SKAP1: variants seen among roughly 807,000 people sequenced by gnomAD.
SKAP1 encodes src kinase-associated phosphoprotein 1.
In SKAP1, 44 loss-of-function variants were observed where a neutral mutation model predicts 58.5. That is an observed-to-expected ratio of 0.75 (90% CI 0.59 to 0.97). The LOEUF is 0.97. SKAP1 is among the 50% of genes least tolerant of loss of function. The probability of loss-of-function intolerance (pLI) is 0.00; values close to 1 mark genes in which losing one functional copy is unlikely to be tolerated. For missense variants in SKAP1, 390 were observed against 435.2 expected, an observed-to-expected ratio of 0.90 and a Z score of 0.92; for synonymous variants, 127 against 149.7, an observed-to-expected ratio of 0.85 and a Z score of 1.11.
intron 4 of SKAP1, among the ~76,000 whole-genome samples, chr17:48,314,474 A>C (rs1433538470): frequency 6.6e-6 from 1 of 152,182 alleles, no homozygotes; most frequent in Non-Finnish European, 1.5e-5. Context: ...GCATTTTATT[A>C]TCAGCAATTA....
At chr17:48,369,500 A>AC (rs1269037800) in intron 2 of SKAP1, among the ~76,000 whole-genome samples, 2 of 151,622 alleles carry the variant, frequency 1.3e-5, no homozygotes, top group African/African-American at 4.8e-5. Flanking sequence ...CAAAAAAAAA[A>AC]AAAAGTAAAA....
intron 3 of SKAP1, among the ~76,000 whole-genome samples, chr17:48,351,386 C>T (rs952521286): frequency 5.3e-5 from 8 of 152,058 alleles, no homozygotes; most frequent in African/African-American, 1.9e-4. Context: ...GTGAAGGACT[C>T]AAATTCTTCT....
At position 48,208,045 on chromosome 17, in the gene SKAP1, G is replaced by T. The variant is rs140551443; in HGVS notation, c.281-18545C>A. On this transcript the variant is annotated intron_variant, in intron 4 of 12. Transcript: ENST00000336915. ...CCTGTTGTCTTGCATTTATGTTAAA[G>T]GTTTCACCTTTTTAAAAAATAATCA... 3.5e-3 allele frequency among the ~76,000 whole-genome samples: 539 copies of T among 152,202 alleles called. 3 individuals carry two copies. The highest frequency in any genetic ancestry group is 0.01 in the Middle Eastern group (3 of 294).
intron 4 of SKAP1, among the ~76,000 whole-genome samples, chr17:48,206,064 G>A (rs1267560425): frequency 6.6e-6 from 1 of 152,190 alleles, no homozygotes; most frequent in African/African-American, 2.4e-5. Flanking sequence ...GGAGGAGGAT[G>A]GAGATCTCCA....
At chr17:48,305,696 G>A (rs1203260104) in intron 4 of SKAP1, among the ~76,000 whole-genome samples, 1 of 152,188 alleles carries the variant, frequency 6.6e-6, no homozygotes, top group East Asian at 1.9e-4. Flanking sequence ...TAGAACACTA[G>A]TGCCTGCTAT....
In SKAP1 at chr17:48,374,584, C is replaced by T. The variant is rs1263709549; in HGVS notation, c.153-10770G>A. Among the ~76,000 whole-genome samples the T allele has an allele frequency of 1.2e-4, 19 of 152,166 alleles. 1 individual carries two copies. Among genetic ancestry groups the T allele is most frequent in the Admixed American group, 1.2e-3 (19 of 15,290 alleles). On this transcript the variant is annotated intron_variant, in intron 2 of 12. Transcript: ENST00000336915. ...CAAGTTGATAAGGCTAGGAAAACCCCTTGCAACTGATCTTGAGCAGTCAGC... is the reference window on the plus strand; with the variant it reads ...CAAGTTGATAAGGCTAGGAAAACCCTTTGCAACTGATCTTGAGCAGTCAGC...
intron 2 of SKAP1, among the ~76,000 whole-genome samples, chr17:48,381,101 C>T (rs556576061): frequency 6.6e-5 from 10 of 152,296 alleles, no homozygotes; most frequent in African/African-American, 2.2e-4. Flanking sequence ...CAACCTTTGA[C>T]ATTCTTATGC....
At chr17:48,406,968 C>T (rs1220527968) in intron 1 of SKAP1, among the ~76,000 whole-genome samples, 1 of 152,172 alleles carries the variant, frequency 6.6e-6, no homozygotes, top group African/African-American at 2.4e-5. Flanking sequence ...TCCTAAAGTG[C>T]TGCAGGCATG....
chr17:48,235,704 C>G (rs1206361158), intron 4 of SKAP1, among the ~76,000 whole-genome samples: 1 of 152,194 alleles, frequency 6.6e-6, no homozygotes, highest in African/African-American at 2.4e-5. Context: ...GTGTTCACCT[C>G]CCAACTCCAA....
chr17:48,430,140 G>A lies in SKAP1; in HGVS notation c.-20C>T. The A allele has an allele frequency of 8.0e-7, 1 of 1,255,962 alleles. No homozygotes were observed. The highest frequency in any genetic ancestry group is 1.0e-6 in the Non-Finnish European group (1 of 992,916). The allele number at this position is 1,255,962 out of a possible 1,614,324, so 77.8% of individuals were successfully genotyped here. On this transcript the variant is annotated 5_prime_UTR_variant, in exon 1 of 13. Transcript: ENST00000336915. ...CTGCATTTGGCTGGGCGGGAGAGAG[G>A]CGGGACGGGGCGCGGGCCCTGGTCG...
chr17:48,252,240 G>GAGAA (rs1462799018), intron 4 of SKAP1, among the ~76,000 whole-genome samples: 2 of 152,076 alleles, frequency 1.3e-5, no homozygotes, highest in East Asian at 3.9e-4. Flanking sequence ...GAGAGAGAGA[G>GAGAA]AAACACAAGG....
chr17:48,168,675 C>A (rs1263987203), intron 10 of SKAP1, among the ~76,000 whole-genome samples: 1 of 151,838 alleles, frequency 6.6e-6, no homozygotes, highest in Non-Finnish European at 1.5e-5. Context: ...AACAAACAAA[C>A]AAAAAAACAC....
intron 4 of SKAP1, 117 bp downstream of exon 4, chr17:48,345,788 C>T: frequency 1.5e-6 from 1 of 676,202 alleles, no homozygotes; most frequent in African/African-American, 1.8e-5. Flanking sequence ...CTAGTGATTA[C>T]CAGTACAGAA....
chr17:48,168,557 T>C (rs915219031), intron 10 of SKAP1, among the ~76,000 whole-genome samples: 1 of 152,156 alleles, frequency 6.6e-6, no homozygotes, highest in African/African-American at 2.4e-5. Flanking sequence ...CTCGGGAAGC[T>C]GAGGCAGAAG....
intron 11 of SKAP1, among the ~76,000 whole-genome samples, chr17:48,150,897 T>C (rs2063894951): frequency 6.6e-6 from 1 of 152,234 alleles, no homozygotes; most frequent in South Asian, 2.1e-4. Context: ...CTGCCTAAGA[T>C]GTCCCACACT....
chr17:48,278,361 A>C (rs1417128199), intron 4 of SKAP1, among the ~76,000 whole-genome samples: 1 of 152,182 alleles, frequency 6.6e-6, no homozygotes, highest in Admixed American at 6.6e-5. Flanking sequence ...GTGTTAGTTG[A>C]ATGAGTTAAT....
intron 3 of SKAP1, among the ~76,000 whole-genome samples, chr17:48,353,043 G>A (rs12944592): frequency 0.33 from 50,784 of 152,056 alleles, 9,190 homozygotes; most frequent in African/African-American, 0.47. Context: ...CAGTAGTCAC[G>A]TTAGGTATGG....
chr17:48,405,350 T>TC (rs397942068), intron 1 of SKAP1, among the ~76,000 whole-genome samples: 14 of 68,844 alleles, frequency 2.0e-4, no homozygotes, highest in Non-Finnish European at 3.1e-4. Context: ...TTTTTTGGCA[T>TC]ACATCCTCAA....
At chr17:48,282,851 C>T (rs1305734237) in intron 4 of SKAP1, among the ~76,000 whole-genome samples, 1 of 151,444 alleles carries the variant, frequency 6.6e-6, no homozygotes, top group East Asian at 1.9e-4. Flanking sequence ...TTTTTGTGCT[C>T]CTCTGATAAA....
Sources: allele counts gnomAD v4.1 joint callset (sites outside exome capture counted in the v4.1 genomes callset), GRCh38; gene constraint gnomAD v4.1.1; transcripts MANE v1.5; gene names NCBI Gene and HGNC (gene_info 2026-07-23, HGNC 2026-07-21).